CDH13: variants seen among roughly 807,000 people sequenced by gnomAD.
The protein encoded by CDH13 is cadherin 13.
Under a neutral mutation model 63.8 loss-of-function variants are expected in CDH13, and 24 were observed. The observed-to-expected ratio is 0.38, with a 90% CI of 0.27 to 0.53. CDH13 has a LOEUF of 0.53. Ranked by LOEUF, CDH13 falls within the 20% of genes least tolerant of loss-of-function variation. CDH13 has a pLI of 0.85. For missense variants in CDH13, 1,049 were observed against 903.1 expected (o/e 1.16, Z -2.07); for synonymous variants, 503 against 355.3 (o/e 1.42, Z -4.67).
chr16:82,725,687 G>C (rs2033054320), intron 1 of CDH13, among the ~76,000 whole-genome samples: 1 of 152,032 alleles, frequency 6.6e-6, no homozygotes. Context: ...TTTTTACTTT[G>C]GAAAGTTGTA....
intron 6 of CDH13, among the ~76,000 whole-genome samples, chr16:83,423,005 C>T (rs12598399): frequency 0.18 from 27,077 of 152,066 alleles, 2,667 homozygotes; most frequent in Admixed American, 0.24. Flanking sequence ...GCAAGATTTA[C>T]GTTCCAGAAA....
chr16:82,866,726 C>T (rs1019374782), intron 2 of CDH13, among the ~76,000 whole-genome samples: 3 of 152,056 alleles, frequency 2.0e-5, no homozygotes, highest in African/African-American at 7.2e-5. Flanking sequence ...AGAAAACTTA[C>T]AATCATGGTG....
At chr16:82,739,818 A>G (rs1373091712) in intron 1 of CDH13, among the ~76,000 whole-genome samples, 1 of 152,238 alleles carries the variant, frequency 6.6e-6, no homozygotes, top group Non-Finnish European at 1.5e-5. Flanking sequence ...TTACCTGAAT[A>G]GTATATATTC....
intron 3 of CDH13, among the ~76,000 whole-genome samples, chr16:83,055,655 A>T (rs971787207): frequency 2.1e-4 from 32 of 152,168 alleles, no homozygotes; most frequent in Middle Eastern, 3.4e-3. Context: ...TTCATGGTAA[A>T]TTCCACCAAA....
At chr16:83,235,412 C>T (rs1378052920) in intron 5 of CDH13, among the ~76,000 whole-genome samples, 1 of 152,158 alleles carries the variant, frequency 6.6e-6, no homozygotes, top group Admixed American at 6.5e-5. Context: ...TGTGAGCCTT[C>T]ATCTAACCGA....
chr16:83,283,814 C>CT (rs1314204490), intron 5 of CDH13, among the ~76,000 whole-genome samples: 1 of 152,052 alleles, frequency 6.6e-6, no homozygotes, highest in African/African-American at 2.4e-5. Context: ...TTAGAATAGC[C>CT]TTTTTTGGTA....
At chr16:83,277,682 A>G (rs1472134594) in intron 5 of CDH13, among the ~76,000 whole-genome samples, 1 of 152,178 alleles carries the variant, frequency 6.6e-6, no homozygotes, top group Non-Finnish European at 1.5e-5. Flanking sequence ...CAGATAAGAG[A>G]ATCCAGCGGA....
intron 1 of CDH13, among the ~76,000 whole-genome samples, chr16:82,832,584 A>G (rs2038590147): frequency 7.6e-6 from 1 of 131,144 alleles, no homozygotes. Context: ...TTTATAAATC[A>G]TGTGCAAGAT....
chr16:83,354,183 T>A (rs1344284531), intron 6 of CDH13, among the ~76,000 whole-genome samples: 1 of 152,170 alleles, frequency 6.6e-6, no homozygotes, highest in Non-Finnish European at 1.5e-5. Flanking sequence ...GTCCTTGAGT[T>A]GTCCTAGCAC....
chr16:83,242,989 CTAT>C (rs1198389498), intron 5 of CDH13, among the ~76,000 whole-genome samples: 1 of 152,128 alleles, frequency 6.6e-6, no homozygotes, highest in Non-Finnish European at 1.5e-5. Context: ...GAAGTAGGCA[CTAT>C]TATTATTTTC....
intron 8 of CDH13, among the ~76,000 whole-genome samples, chr16:83,630,546 G>C (rs1024500949): frequency 6.6e-6 from 1 of 152,182 alleles, no homozygotes; most frequent in African/African-American, 2.4e-5. Context: ...TTGAGTCCTT[G>C]ATCAAAGACG....
intron 8 of CDH13, among the ~76,000 whole-genome samples, chr16:83,610,111 T>G (rs377334348): frequency 2.6e-5 from 4 of 152,320 alleles, no homozygotes; most frequent in East Asian, 1.9e-4. Context: ...TTTTATGCAT[T>G]CATCCACTGA....
intron 13 of CDH13, among the ~76,000 whole-genome samples, chr16:83,786,477 A>G (rs1915887544): frequency 2.0e-5 from 3 of 152,242 alleles, no homozygotes; most frequent in Admixed American, 1.3e-4. Flanking sequence ...GAATGGACGC[A>G]TGGACAGACA....
At position 83,278,643 on chromosome 16, in the gene CDH13, T is replaced by A. The variant is rs1386512934; in HGVS notation, c.636+61146T>A. Among the ~76,000 whole-genome samples, 4 of 152,216 alleles carry A rather than the reference T, an allele frequency of 2.6e-5. No homozygotes were observed. The East Asian group carries it at 7.7e-4, about 29-fold the overall frequency. On this transcript the variant is annotated intron_variant, in intron 5 of 13. Coordinates refer to ENST00000567109, the MANE Select transcript of CDH13 (RefSeq NM_001257.5). ...TCTCTTTCAACCATCCAGAGTTTAC[T>A]CTGGATCCTGGCAATGCCGGTTGAG...
intron 10 of CDH13, among the ~76,000 whole-genome samples, chr16:83,744,785 C>T (rs570880914): frequency 1.4e-4 from 21 of 152,310 alleles, no homozygotes; most frequent in African/African-American, 4.3e-4. Context: ...GGACTGTCCC[C>T]GAGTCACAGA....
intron 5 of CDH13, among the ~76,000 whole-genome samples, chr16:83,224,540 C>T (rs897403103): frequency 7.2e-5 from 11 of 152,200 alleles, no homozygotes; most frequent in African/African-American, 2.7e-4. Context: ...CACATGTGAC[C>T]TAGGCAAGAG....
intron 2 of CDH13, among the ~76,000 whole-genome samples, chr16:83,024,539 C>T (rs1481284216): frequency 6.6e-6 from 1 of 152,064 alleles, no homozygotes; most frequent in African/African-American, 2.4e-5. Flanking sequence ...TGGATTTGAC[C>T]TCGGTTCATA....
At chr16:82,756,548 G>A (rs955427565) in intron 1 of CDH13, among the ~76,000 whole-genome samples, 18 of 152,118 alleles carry the variant, frequency 1.2e-4, no homozygotes, top group African/African-American at 3.9e-4. Context: ...TTTCCTGTTG[G>A]GCAAAATAGA....
chr16:82,788,760 C>T (rs1473217585), intron 1 of CDH13, among the ~76,000 whole-genome samples: 1 of 152,186 alleles, frequency 6.6e-6, no homozygotes, highest in African/African-American at 2.4e-5. Flanking sequence ...TGCCACATGA[C>T]AAAGAGCCGG....
Sources: gnomAD v4.1 joint callset for allele counts (sites outside exome capture counted in the v4.1 genomes callset) on GRCh38, gnomAD v4.1.1 for gene constraint, MANE v1.5 for transcripts, NCBI Gene and HGNC (gene_info 2026-07-23, HGNC 2026-07-21) for gene names.